Variants in WDR33 observed in about 807,000 individuals in gnomAD.
The protein encoded by WDR33 is WD repeat domain 33, also known as pre-mRNA 3' end processing protein WDR33.
In WDR33, 47 loss-of-function variants were observed where a neutral mutation model predicts 164.9. The ratio of observed to expected loss-of-function variants is 0.29; its 90% CI spans 0.23 to 0.36. WDR33 has a LOEUF of 0.36. WDR33 is among the 10% of genes least tolerant of loss of function. The probability of loss-of-function intolerance (pLI) is 1.00; values close to 1 mark genes in which losing one functional copy is unlikely to be tolerated. For missense variants in WDR33, 1,137 were observed against 1,754.1 expected (o/e 0.65, Z 6.28); for synonymous variants, 505 against 589.0 (o/e 0.86, Z 2.06).
chr2:127,753,057 G>A (rs1235496503), intron 7 of WDR33, among the ~76,000 whole-genome samples: 1 of 152,192 alleles, frequency 6.6e-6, no homozygotes, highest in Non-Finnish European at 1.5e-5. Flanking sequence ...CTCCCGAGAA[G>A]CTGGGATTAC....
intron 7 of WDR33, chr2:127,737,325 C>T (rs528796418): frequency 6.7e-5 from 66 of 985,276 alleles, no homozygotes; most frequent in South Asian, 3.8e-4. Flanking sequence ...CAGCAAAGTC[C>T]GCTGTAAGAA....
intron 7 of WDR33, among the ~76,000 whole-genome samples, chr2:127,729,636 C>A (rs936127519): frequency 6.6e-6 from 1 of 152,072 alleles, no homozygotes; most frequent in Non-Finnish European, 1.5e-5. Flanking sequence ...GCTGGGACTA[C>A]AGGCGCCCAC....
At chr2:127,776,111 G>A (rs1688176213) in intron 1 of WDR33, among the ~76,000 whole-genome samples, 1 of 152,098 alleles carries the variant, frequency 6.6e-6, no homozygotes, top group Admixed American at 6.6e-5. Flanking sequence ...CTCACAATGT[G>A]ATTCTATTTA....
At chr2:127,725,238 A>C (rs1686535870) in intron 8 of WDR33, 23 bp from the exon 9 acceptor site, 31 of 1,573,514 alleles carry the variant, frequency 2.0e-5, no homozygotes, top group Non-Finnish European at 2.7e-5. Context: ...TATCAAAAAA[A>C]AATGTCAGAA....
rs1457640856 is a variant in WDR33, at chr2:127,764,312, T to C, written c.626+516A>G. 3 of 1,340,268 alleles carry C rather than the reference T, an allele frequency of 2.2e-6. No homozygotes were observed. The highest frequency in any genetic ancestry group is 2.1e-5 in the South Asian group (1 of 46,992). The allele number at this position is 1,340,268 out of a possible 1,614,324, so 83.0% of individuals were successfully genotyped here. Reference sequence around the variant, plus strand: ...AAGAACCCATTCATTACTCCGTTAATGTTTGCCACATCCAGTTATCTGTGA... The same window carrying C: ...AAGAACCCATTCATTACTCCGTTAACGTTTGCCACATCCAGTTATCTGTGA... On this transcript the variant is annotated intron_variant, in intron 6 of 21. Transcript: ENST00000322313. This position sits in a 1 kb window ranked among gnomAD's most constrained non-coding sequence, Gnocchi z 6.2.
chr2:127,773,008 C>T lies in WDR33; in HGVS notation c.-23-2004G>A, dbSNP rs191596098. Reference sequence around the variant, plus strand: ...TTAATTAGCCCAGTGTGCTGGTGCGCACCTGTAGTCCCAACTACTCAGGAG... The same window carrying T: ...TTAATTAGCCCAGTGTGCTGGTGCGTACCTGTAGTCCCAACTACTCAGGAG... On this transcript the variant is annotated intron_variant, in intron 1 of 21. Transcript: ENST00000322313. 2.9e-3 allele frequency among the ~76,000 whole-genome samples: 445 copies of T among 151,806 alleles called. 10 individuals are homozygous for T. The highest frequency in any genetic ancestry group is 0.026 in the Admixed American group (403 of 15,220).
intron 7 of WDR33, among the ~76,000 whole-genome samples, chr2:127,746,978 T>C (rs1285745374): frequency 1.3e-5 from 2 of 152,232 alleles, no homozygotes; most frequent in African/African-American, 2.4e-5. Context: ...ATGGATGTTA[T>C]TTAAAAAAAT....
intron 7 of WDR33, among the ~76,000 whole-genome samples, chr2:127,743,563 G>A (rs573815097): frequency 4.6e-5 from 7 of 151,784 alleles, no homozygotes; most frequent in Admixed American, 4.6e-4. Flanking sequence ...AACAAAAGTA[G>A]CCATAATTCA....
intron 1 of WDR33, among the ~76,000 whole-genome samples, chr2:127,788,269 G>A (rs1295854091): frequency 1.5e-5 from 2 of 131,066 alleles, no homozygotes; most frequent in South Asian, 2.5e-4. Flanking sequence ...CCTCCCTCCC[G>A]GACAGGGCGG....
rs1389183004 is a variant in WDR33, at chr2:127,721,514, A to G, written c.1671+322T>C. Among the ~76,000 whole-genome samples the G allele has an allele frequency of 6.6e-6, 1 of 152,186 alleles. No homozygotes were observed. The highest frequency in any genetic ancestry group is 1.9e-4 in the East Asian group (1 of 5,196). ...GTGGTCTCTGCCACTCAAGAGGCTTAATGTGGGAAGATCACTTGAGCCTGG... is the reference window on the plus strand; with the variant it reads ...GTGGTCTCTGCCACTCAAGAGGCTTGATGTGGGAAGATCACTTGAGCCTGG... On this transcript the variant is annotated intron_variant, in intron 15 of 21. Transcript: ENST00000322313. The surrounding 1 kb of genome is among the most constrained non-coding windows in gnomAD (Gnocchi z 4.9).
chr2:127,730,139 T>C (rs946183773), intron 7 of WDR33, among the ~76,000 whole-genome samples: 21 of 152,162 alleles, frequency 1.4e-4, no homozygotes, highest in Admixed American at 6.5e-4. Flanking sequence ...TAATGACCTA[T>C]TGAGAAAATT....
At chr2:127,737,710 G>C in intron 7 of WDR33, 1 of 1,126,306 alleles carries the variant, frequency 8.9e-7, no homozygotes, top group Non-Finnish European at 1.1e-6. Flanking sequence ...AACAAAAGAT[G>C]TTTCAAATGA....
chr2:127,729,278 G>C (rs1043054242), intron 7 of WDR33, among the ~76,000 whole-genome samples: 2 of 152,224 alleles, frequency 1.3e-5, no homozygotes, highest in Admixed American at 6.5e-5. Context: ...CTGATGATAT[G>C]GGGCAGAGCA....
chr2:127,758,020 T>C (rs1687570350), intron 7 of WDR33, among the ~76,000 whole-genome samples: 1 of 152,208 alleles, frequency 6.6e-6, no homozygotes, highest in Admixed American at 6.5e-5. Flanking sequence ...AGTATTATAT[T>C]TGAAAACTAA....
At position 127,713,073 on chromosome 2, in the gene WDR33, C is replaced by T. The variant is rs1019509676; in HGVS notation, c.3308+510G>A. 3.3e-5 allele frequency among the ~76,000 whole-genome samples: 5 copies of T among 152,282 alleles called. No individual in the cohort carries two copies. Among genetic ancestry groups the T allele is most frequent in the South Asian group, 4.1e-4 (2 of 4,820 alleles). ...GTCCTGGGCTAATTCCTGTTTCTTTCTCCACATTTCTTCTGTTCCTTAAAC... is the reference window on the plus strand; with the variant it reads ...GTCCTGGGCTAATTCCTGTTTCTTTTTCCACATTTCTTCTGTTCCTTAAAC... On this transcript the variant is annotated intron_variant, in intron 18 of 21. Coordinates refer to ENST00000322313, the MANE Select transcript of WDR33 (RefSeq NM_018383.5). This position sits in a 1 kb window ranked among gnomAD's most constrained non-coding sequence, Gnocchi z 6.2.
Position 127,709,647 on chromosome 2 carries a change from C to G in WDR33, c.3472+46G>C. On this transcript the variant is annotated intron_variant, in intron 19 of 21. Transcript: ENST00000322313. The surrounding 1 kb of genome is among the most constrained non-coding windows in gnomAD (Gnocchi z 5.0). ...CTGGTGTATTCACAACCAGTGTATT[C>G]TGCACCCTATCCTTCCAGACCAGGT... The G allele has an allele frequency of 6.2e-7, 1 of 1,614,030 alleles. No individual in the cohort carries two copies. The highest frequency in any genetic ancestry group is 2.2e-5 in the East Asian group (1 of 44,886).
In WDR33 at chr2:127,720,806, C is replaced by T. The variant is rs1686420252; in HGVS notation, c.1672-453G>A. On this transcript the variant is annotated intron_variant, in intron 15 of 21. Coordinates refer to ENST00000322313, the MANE Select transcript of WDR33 (RefSeq NM_018383.5). The surrounding 1 kb of genome is among the most constrained non-coding windows in gnomAD (Gnocchi z 5.9). ...AACTCCTGGGTTCAGCTGATCCTCCCGCCTCGCCTCCCAAAGTGCTGGGAT... is the reference window on the plus strand; with the variant it reads ...AACTCCTGGGTTCAGCTGATCCTCCTGCCTCGCCTCCCAAAGTGCTGGGAT... Among the ~76,000 whole-genome samples, 1 of 152,108 alleles carries T rather than the reference C, an allele frequency of 6.6e-6. No homozygotes were observed. Among genetic ancestry groups the T allele is most frequent in the Non-Finnish European group, 1.5e-5 (1 of 68,004 alleles).
Position 127,718,383 on chromosome 2 carries a change from C to T in WDR33, c.2760+882G>A, listed in dbSNP as rs975234989. ...AAAGTGAGTTTTCAGGGACAAAACT[C>T]AGTTATTCATACCCAAATAATGCCT... On this transcript the variant is annotated intron_variant, in intron 16 of 21. Coordinates refer to ENST00000322313, the MANE Select transcript of WDR33 (RefSeq NM_018383.5). The surrounding 1 kb of genome is among the most constrained non-coding windows in gnomAD (Gnocchi z 4.4). Among the ~76,000 whole-genome samples, 5 of 152,074 alleles carry T rather than the reference C, an allele frequency of 3.3e-5. No individual in the cohort carries two copies. Among genetic ancestry groups the T allele is most frequent in the Admixed American group, 2.6e-4 (4 of 15,266 alleles).
At position 127,722,645 on chromosome 2, in the gene WDR33, T is replaced by C. The variant is rs763362245; in HGVS notation, c.1464A>G (p.Lys488=). Reference sequence around the variant, plus strand: ...CATAAGGAACTTTCTTCTGAGGTACTTTTTTCTGATCCTTTTGCATCACTT... The same window carrying C: ...CATAAGGAACTTTCTTCTGAGGTACCTTTTTCTGATCCTTTTGCATCACTT... The part of the protein sequence containing the change: ...MEEVMQKDQK[K]VPQKKVPYAK... Residue 488 remains lysine (K), a synonymous_variant, in exon 14 of 22, where the codon AAA becomes AAG. Transcript: ENST00000322313. This position sits in a 1 kb window ranked among gnomAD's most constrained non-coding sequence, Gnocchi z 5.1. The C allele has an allele frequency of 6.2e-7, 1 of 1,614,108 alleles. No homozygotes were observed. The highest frequency in any genetic ancestry group is 8.5e-7 in the Non-Finnish European group (1 of 1,179,994).
Sources: allele counts gnomAD v4.1 joint callset (sites outside exome capture counted in the v4.1 genomes callset), GRCh38; gene constraint gnomAD v4.1.1; non-coding constraint Gnocchi (gnomAD v3.1); transcripts MANE v1.5; gene names NCBI Gene and HGNC (gene_info 2026-07-23, HGNC 2026-07-21).